EFHC2: variants seen among roughly 807,000 people sequenced by gnomAD.
EFHC2 encodes EF-hand domain-containing family member C2.
Under a neutral mutation model 52.7 loss-of-function variants are expected in EFHC2, and 18 were observed. That is an observed-to-expected ratio of 0.34 (90% CI 0.24 to 0.51). The LOEUF is 0.51. Ranked by LOEUF, EFHC2 falls within the 20% of genes least tolerant of loss-of-function variation. EFHC2 has a pLI of 0.97. For synonymous variants in EFHC2, 203 were observed against 204.1 expected, an observed-to-expected ratio of 0.99 and a Z score of 0.04; for missense variants, 513 against 562.5, an observed-to-expected ratio of 0.91 and a Z score of 0.89.
At position 44,318,622 on chromosome X, in the gene EFHC2, A is replaced by G. The variant is rs192943978; in HGVS notation, c.43-5866T>C. Among the ~76,000 whole-genome samples the G allele has an allele frequency of 2.7e-5, 3 of 112,391 alleles. No homozygotes were observed. The East Asian group carries it at 8.4e-4, about 31-fold the overall frequency. ...AGCTATATGATGACCAAGCCCAGGG[A>G]TGGGCAGATTCATGAGGCCTTCTCT... On this transcript the variant is annotated intron_variant, in intron 1 of 14. Coordinates refer to ENST00000420999, the MANE Select transcript of EFHC2 (RefSeq NM_025184.4).
intron 13 of EFHC2, among the ~76,000 whole-genome samples, chrX:44,173,365 C>T (rs2036760440): frequency 8.9e-6 from 1 of 111,818 alleles, no homozygotes; most frequent in South Asian, 3.8e-4. Context: ...GAGGGCTGTG[C>T]AGAAAGAGAC....
At chrX:44,244,919 T>A (rs73483016) in intron 7 of EFHC2, among the ~76,000 whole-genome samples, 5,249 of 112,137 alleles carry the variant, frequency 0.047, 228 homozygotes, top group African/African-American at 0.14. Flanking sequence ...AGCTTCAAGG[T>A]AAATCCACTT....
chrX:44,247,135 A>G (rs1457282017), intron 7 of EFHC2, among the ~76,000 whole-genome samples: 10 of 112,159 alleles, frequency 8.9e-5, no homozygotes, highest in African/African-American at 3.2e-4. Context: ...GAGGCCACCA[A>G]TTTGGCCCCA....
chrX:44,172,909 G>A (rs759142827), intron 13 of EFHC2, among the ~76,000 whole-genome samples: 2 of 111,818 alleles, frequency 1.8e-5, no homozygotes, highest in African/African-American at 6.5e-5. Flanking sequence ...GAATTTGCTT[G>A]GTAAGTAAGG....
intron 11 of EFHC2, among the ~76,000 whole-genome samples, chrX:44,209,054 T>C (rs973330010): frequency 2.9e-5 from 3 of 101,843 alleles, no homozygotes; most frequent in African/African-American, 1.1e-4. Context: ...TGTGTGTGTG[T>C]GTGTGTGTGT....
chrX:44,272,965 C>A, intron 2 of EFHC2, 129 bp from the exon 3 acceptor site: 1 of 497,052 alleles, frequency 2.0e-6, no homozygotes, highest in South Asian at 3.4e-5. Flanking sequence ...TCCAAGAACT[C>A]ATTCTACACA....
At chrX:44,237,524 A>G (rs1317993804) in intron 8 of EFHC2, among the ~76,000 whole-genome samples, 1 of 111,616 alleles carries the variant, frequency 9.0e-6, no homozygotes, top group African/African-American at 3.3e-5. Flanking sequence ...AACTTTTTCT[A>G]CATACAGCCC....
chrX:44,167,622 G>GA (rs1028017581), intron 13 of EFHC2, among the ~76,000 whole-genome samples: 7 of 112,013 alleles, frequency 6.2e-5, no homozygotes, highest in African/African-American at 2.3e-4. Flanking sequence ...AGTTTTTTGA[G>GA]AAAAAATGCT....
At chrX:44,292,251 G>A (rs1035345031) in intron 2 of EFHC2, among the ~76,000 whole-genome samples, 3 of 110,293 alleles carry the variant, frequency 2.7e-5, no homozygotes, top group African/African-American at 9.9e-5. Context: ...TACATATGTA[G>A]GTTCGGTACC....
At chrX:44,172,563 C>T (rs947399912) in intron 13 of EFHC2, among the ~76,000 whole-genome samples, 7 of 111,679 alleles carry the variant, frequency 6.3e-5, no homozygotes, top group Admixed American at 5.7e-4. Flanking sequence ...GTCTTTGAGG[C>T]TGCAAAAATG....
intron 14 of EFHC2, among the ~76,000 whole-genome samples, chrX:44,160,692 C>T (rs1441211307): frequency 8.9e-6 from 1 of 111,922 alleles, no homozygotes; most frequent in Non-Finnish European, 1.9e-5. Flanking sequence ...GAGGCCGAGG[C>T]AGGCGGATCA....
intron 3 of EFHC2, among the ~76,000 whole-genome samples, chrX:44,266,350 T>C (rs1234792424): frequency 9.0e-6 from 1 of 110,864 alleles, no homozygotes; most frequent in Non-Finnish European, 1.9e-5. Context: ...ATTCTTTTTT[T>C]TTTTAAATTT....
chrX:44,310,086 A>G lies in EFHC2; in HGVS notation c.231+2482T>C. The G allele has an allele frequency of 2.3e-5, 17 of 728,368 alleles. No homozygotes were observed. The South Asian group carries it at 3.2e-4, about 14-fold the overall frequency. 60.0% of individuals were successfully genotyped at this position (728,368 alleles called of 1,213,427 possible). ...GCCATCACTTGCTGCAAAGAAAACC[A>G]GAACATGGGATATAAAATATCTCTC... On this transcript the variant is annotated intron_variant, in intron 2 of 14. Transcript: ENST00000420999.
intron 4 of EFHC2, among the ~76,000 whole-genome samples, chrX:44,259,100 G>A (rs182843701): frequency 6.3e-5 from 7 of 111,272 alleles, no homozygotes; most frequent in African/African-American, 2.0e-4. Flanking sequence ...ACATGCACAC[G>A]TGTTTATTGC....
intron 11 of EFHC2, among the ~76,000 whole-genome samples, chrX:44,209,627 C>G (rs770642563): frequency 2.0e-4 from 22 of 109,271 alleles, no homozygotes; most frequent in Non-Finnish European, 3.8e-4. Flanking sequence ...TGTGCAAGAA[C>G]TATACCCTAA....
chrX:44,273,568 A>G (rs745944949), intron 2 of EFHC2, among the ~76,000 whole-genome samples: 7 of 112,434 alleles, frequency 6.2e-5, no homozygotes, highest in Admixed American at 2.8e-4. Context: ...ATTGAAGCAG[A>G]TGACTGCCTG....
chrX:44,308,389 A>G (rs2037921387), intron 2 of EFHC2, among the ~76,000 whole-genome samples: 1 of 111,000 alleles, frequency 9.0e-6, no homozygotes, highest in South Asian at 3.8e-4. Context: ...AAAAGACCTC[A>G]ATAAAAAGAG....
chrX:44,298,860 C>CAA (rs34701706), intron 2 of EFHC2, among the ~76,000 whole-genome samples: 157 of 22,376 alleles, frequency 7.0e-3, no homozygotes, highest in Non-Finnish European at 9.9e-3. Context: ...GACTCTGTCT[C>CAA]AAAAAAAAAA....
chrX:44,302,565 GT>G (rs1395473519), intron 2 of EFHC2, among the ~76,000 whole-genome samples: 2 of 112,467 alleles, frequency 1.8e-5, no homozygotes, highest in Non-Finnish European at 3.8e-5. Context: ...TAAAGACTAA[GT>G]GTTTTATTCT....
Sources: allele counts gnomAD v4.1 joint callset (sites outside exome capture counted in the v4.1 genomes callset), GRCh38; gene constraint gnomAD v4.1.1; transcripts MANE v1.5; gene names NCBI Gene and HGNC (gene_info 2026-07-23, HGNC 2026-07-21).